Variants in RNF212B observed in about 807,000 individuals in gnomAD.
The protein encoded by RNF212B is ring finger protein 212B, also known as E3 ubiquitin-protein ligase RNF212B.
Under a neutral mutation model 55.5 loss-of-function variants are expected in RNF212B, and 52 were observed. That is an observed-to-expected ratio of 0.94 (90% CI 0.75 to 1.18). RNF212B has a LOEUF of 1.18. Among genes scored for constraint, RNF212B ranks in the 50% most tolerant of loss-of-function variants. RNF212B has a pLI of 0.00. For synonymous variants in RNF212B, 99 were observed against 121.4 expected (o/e 0.82, Z 1.21); for missense variants, 289 against 350.4 (o/e 0.82, Z 1.40).
chr14:23,211,268 G>T (rs2140390078), intron 2 of RNF212B, among the ~76,000 whole-genome samples: 1 of 150,926 alleles, frequency 6.6e-6, no homozygotes, highest in Non-Finnish European at 1.5e-5. Flanking sequence ...AGATAAAAAT[G>T]GACGAACTCC....
intron 2 of RNF212B, among the ~76,000 whole-genome samples, chr14:23,216,017 G>A (rs534194096): frequency 8.6e-5 from 13 of 152,024 alleles, no homozygotes; most frequent in East Asian, 3.9e-4. Context: ...AGGCCAAGGC[G>A]GGCGGATCAC....
chr14:23,258,478 C>G, intron 4 of RNF212B, 71 bp from the exon 5 acceptor site: 1 of 666,838 alleles, frequency 1.5e-6, no homozygotes, highest in Non-Finnish European at 2.5e-6. Context: ...TTGATGGCTT[C>G]CCTTTCTTGC....
intron 2 of RNF212B, among the ~76,000 whole-genome samples, chr14:23,209,053 C>T (rs1206530139): frequency 6.6e-6 from 1 of 152,164 alleles, no homozygotes; most frequent in South Asian, 2.1e-4. Context: ...CCACCGTGCC[C>T]GGCCTGGTTG....
chr14:23,226,809 CTT>C (rs1882072382), intron 2 of RNF212B, among the ~76,000 whole-genome samples: 2 of 27,856 alleles, frequency 7.2e-5, no homozygotes, highest in Non-Finnish European at 1.1e-4. Context: ...CTTTCTTCTT[CTT>C]CTTTTTTTTT....
chr14:23,221,552 T>C (rs1324827377), intron 2 of RNF212B, among the ~76,000 whole-genome samples: 2 of 152,166 alleles, frequency 1.3e-5, no homozygotes, highest in Non-Finnish European at 2.9e-5. Context: ...GCTGGAGATA[T>C]CAACACTCCA....
rs1197080634 is a variant in RNF212B at position 23,240,460 on chromosome 14, T to A, written c.100+15T>A. The A allele has an allele frequency of 1.3e-6, 2 of 1,492,388 alleles. No homozygotes were observed. The highest frequency in any genetic ancestry group is 1.8e-6 in the Non-Finnish European group (2 of 1,095,112). 92.4% of individuals were successfully genotyped at this position (1,492,388 alleles called of 1,614,324 possible). Reference sequence around the variant, plus strand: ...TGTGACTCTGGGTGAGTGACTCAACTGTTTTCAGATTCAGGGAAAAATGTT... The same window carrying A: ...TGTGACTCTGGGTGAGTGACTCAACAGTTTTCAGATTCAGGGAAAAATGTT... On this transcript the variant is annotated intron_variant, in intron 2 of 14. Transcript: ENST00000430154.
chr14:23,246,221 G>A (rs1288763217), intron 4 of RNF212B, among the ~76,000 whole-genome samples: 1 of 151,150 alleles, frequency 6.6e-6, no homozygotes, highest in Non-Finnish European at 1.5e-5. Flanking sequence ...TGCAACCTCT[G>A]CCTCCAGGGT....
chr14:23,188,633 A>T (rs1267184785), intron 1 of RNF212B, among the ~76,000 whole-genome samples: 1 of 151,944 alleles, frequency 6.6e-6, no homozygotes, highest in Admixed American at 6.6e-5. Context: ...TGCCTGGCAA[A>T]TTTTTAAAAA....
intron 2 of RNF212B, among the ~76,000 whole-genome samples, chr14:23,197,856 G>A (rs1235172182): frequency 1.3e-5 from 2 of 151,542 alleles, no homozygotes; most frequent in South Asian, 2.1e-4. Context: ...GAGAGTCAGC[G>A]AAGGGAGATA....
At chr14:23,195,608 C>G (rs938805110) in intron 2 of RNF212B, among the ~76,000 whole-genome samples, 3 of 152,168 alleles carry the variant, frequency 2.0e-5, no homozygotes, top group Non-Finnish European at 4.4e-5. Context: ...GTATCTTCTT[C>G]CAACACTCCC....
At chr14:23,262,810 AC>A (rs1363329271) in intron 8 of RNF212B, 99 bp downstream of exon 8, 1 of 1,446,298 alleles carries the variant, frequency 6.9e-7, no homozygotes, top group East Asian at 2.5e-5. Flanking sequence ...GATCTTCCTA[AC>A]TTTATGTGTA....
chr14:23,212,336 T>C (rs991049270), intron 2 of RNF212B, among the ~76,000 whole-genome samples: 9 of 152,194 alleles, frequency 5.9e-5, no homozygotes, highest in African/African-American at 2.2e-4. Flanking sequence ...GAAGGAAAAC[T>C]GTTTTTCTTT....
intron 2 of RNF212B, among the ~76,000 whole-genome samples, chr14:23,197,513 G>A (rs1237871916): frequency 6.6e-6 from 1 of 151,966 alleles, no homozygotes; most frequent in Non-Finnish European, 1.5e-5. Context: ...GCAACAGAGC[G>A]AGACTCCATC....
intron 1 of RNF212B, among the ~76,000 whole-genome samples, chr14:23,191,525 G>A (rs1878124357): frequency 2.0e-5 from 3 of 151,760 alleles, no homozygotes; most frequent in Admixed American, 2.0e-4. Context: ...TTTTCTAGGG[G>A]GTAATGATAT....
intron 2 of RNF212B, among the ~76,000 whole-genome samples, chr14:23,217,839 A>G (rs1881235916): frequency 6.6e-6 from 1 of 152,112 alleles, no homozygotes. Context: ...ATGAACATCT[A>G]CAAGCATCAA....
chr14:23,225,100 A>G (rs1234195873), intron 2 of RNF212B, among the ~76,000 whole-genome samples: 2 of 152,182 alleles, frequency 1.3e-5, no homozygotes, highest in Non-Finnish European at 1.5e-5. Context: ...AACACCTACA[A>G]TAAGATATCA....
At chr14:23,190,545 G>A (rs922203182) in intron 1 of RNF212B, among the ~76,000 whole-genome samples, 4 of 152,084 alleles carry the variant, frequency 2.6e-5, no homozygotes, top group African/African-American at 4.8e-5. Flanking sequence ...ATCAAATCTC[G>A]CAAATATCGA....
At chr14:23,189,684 C>T (rs1353715433) in intron 1 of RNF212B, among the ~76,000 whole-genome samples, 2 of 152,026 alleles carry the variant, frequency 1.3e-5, no homozygotes, top group Non-Finnish European at 2.9e-5. Context: ...TGGTGCATGC[C>T]TGTAGCACCA....
At chr14:23,219,893 A>G (rs1245266077) in intron 2 of RNF212B, among the ~76,000 whole-genome samples, 5 of 152,186 alleles carry the variant, frequency 3.3e-5, no homozygotes, top group Non-Finnish European at 7.3e-5. Context: ...AAAAAAACAC[A>G]CAACAAGGGC....
Sources: allele counts gnomAD v4.1 joint callset (sites outside exome capture counted in the v4.1 genomes callset), GRCh38; gene constraint gnomAD v4.1.1; transcripts MANE v1.5; gene names NCBI Gene and HGNC (gene_info 2026-07-23, HGNC 2026-07-21).